LARGE1: variants seen among roughly 807,000 people sequenced by gnomAD.
The protein encoded by LARGE1 is xylosyl- and glucuronyltransferase LARGE1.
Under a neutral mutation model 87.6 loss-of-function variants are expected in LARGE1, and 43 were observed. That is an observed-to-expected ratio of 0.49 (90% CI 0.38 to 0.63). LARGE1 has a LOEUF of 0.63. Among genes scored for constraint, LARGE1 ranks in the 30% least tolerant of loss-of-function variants. The pLI, the probability that LARGE1 is intolerant of heterozygous loss-of-function variation, is 0.00. For missense variants in LARGE1, 802 were observed against 1,000.2 expected, an observed-to-expected ratio of 0.80 and a Z score of 2.67; for synonymous variants, 434 against 394.6, an observed-to-expected ratio of 1.10 and a Z score of -1.18.
intron 6 of LARGE1, among the ~76,000 whole-genome samples, chr22:33,447,851 G>A (rs1265139270): frequency 2.6e-5 from 4 of 152,062 alleles, no homozygotes; most frequent in African/African-American, 9.7e-5. Flanking sequence ...TGCACACTCT[G>A]GAGCTGGTGT....
At chr22:33,100,807 C>T in the LARGE1 span, among the ~76,000 whole-genome samples, 1 of 151,990 alleles carries the variant, frequency 6.6e-6, no homozygotes, top group East Asian at 1.9e-4. Flanking sequence ...CTAGAAAATA[C>T]CTGGTGCCCA....
At chr22:33,457,040 T>C (rs1174829344) in intron 6 of LARGE1, among the ~76,000 whole-genome samples, 1 of 152,100 alleles carries the variant, frequency 6.6e-6, no homozygotes, top group Non-Finnish European at 1.5e-5. Context: ...TAAGAGATGG[T>C]AGTCACTTGT....
intron 11 of LARGE1, among the ~76,000 whole-genome samples, chr22:33,180,877 C>G (rs899674093): frequency 6.6e-6 from 1 of 152,012 alleles, no homozygotes; most frequent in African/African-American, 2.4e-5. Flanking sequence ...ATAGGCAAAT[C>G]GAGAGACAAA....
At chr22:33,660,511 G>A (rs961367866) in intron 2 of LARGE1, among the ~76,000 whole-genome samples, 5 of 152,196 alleles carry the variant, frequency 3.3e-5, no homozygotes, top group South Asian at 2.1e-4. Context: ...AAGAGCCTCT[G>A]CCCCCAGTTA....
intron 11 of LARGE1, among the ~76,000 whole-genome samples, chr22:33,216,497 C>T (rs1033011816): frequency 1.3e-5 from 2 of 150,612 alleles, no homozygotes; most frequent in African/African-American, 2.5e-5. Context: ...GGCTTGGTGG[C>T]GGGTGCCTGT....
chr22:33,398,836 A>C lies in LARGE1; in HGVS notation c.893-14532T>G, dbSNP rs547115931. On this transcript the variant is annotated intron_variant, in intron 7 of 14. Coordinates refer to ENST00000397394, the MANE Select transcript of LARGE1 (RefSeq NM_133642.5). ...CAGGGGTTGAAGATATACCCTAAGG[A>C]ATGCCTGGTGCTACCAGAGCTGGAA... is the stretch of plus-strand genomic sequence containing the variant. 3.3e-5 allele frequency among the ~76,000 whole-genome samples: 5 copies of C among 152,278 alleles called. No homozygotes were observed. In the South Asian group the frequency reaches 1.0e-3, roughly 32 times the overall value.
intron 1 of LARGE1, among the ~76,000 whole-genome samples, chr22:33,782,458 T>C (rs2085453198): frequency 1.3e-5 from 2 of 152,190 alleles, no homozygotes; most frequent in Non-Finnish European, 2.9e-5. Context: ...AATTGTACAT[T>C]ATATGAATTG....
chr22:33,532,897 C>G (rs2076939377), intron 6 of LARGE1, among the ~76,000 whole-genome samples: 1 of 152,170 alleles, frequency 6.6e-6, no homozygotes, highest in Non-Finnish European at 1.5e-5. Flanking sequence ...CCACTGAGAG[C>G]ATGAGCTAGT....
chr22:33,651,123 C>G (rs868326539), intron 2 of LARGE1, among the ~76,000 whole-genome samples: 2 of 151,232 alleles, frequency 1.3e-5, no homozygotes, highest in South Asian at 2.1e-4. Flanking sequence ...TGGCTCACGC[C>G]TGTGATCCCA....
chr22:33,315,781 C>A (rs1936086977), intron 11 of LARGE1, among the ~76,000 whole-genome samples: 1 of 152,142 alleles, frequency 6.6e-6, no homozygotes, highest in South Asian at 2.1e-4. Flanking sequence ...AGGCGCACAC[C>A]ACCATGCCCA....
At chr22:33,698,395 G>A (rs1318278542) in intron 2 of LARGE1, among the ~76,000 whole-genome samples, 1 of 151,448 alleles carries the variant, frequency 6.6e-6, no homozygotes, top group African/African-American at 2.4e-5. Context: ...CTATCTGCAA[G>A]TTTCAAGCGA....
intron 11 of LARGE1, among the ~76,000 whole-genome samples, chr22:33,199,618 A>G (rs1434878486): frequency 6.6e-6 from 1 of 152,042 alleles, no homozygotes; most frequent in Non-Finnish European, 1.5e-5. Flanking sequence ...ATAGGGTATT[A>G]TTTCCTTAGC....
the LARGE1 span, among the ~76,000 whole-genome samples, chr22:33,155,255 T>C: frequency 6.6e-6 from 1 of 152,096 alleles, no homozygotes; most frequent in Non-Finnish European, 1.5e-5. Flanking sequence ...TTTTAACAGG[T>C]AGAGGTTGGA....
At chr22:33,168,065 C>G (rs1220050797) in intron 11 of LARGE1, among the ~76,000 whole-genome samples, 1 of 152,140 alleles carries the variant, frequency 6.6e-6, no homozygotes, top group East Asian at 1.9e-4. Flanking sequence ...TGAACTTTCT[C>G]CAGGAGTTCT....
At chr22:33,633,946 G>A (rs1213560123) in intron 3 of LARGE1, among the ~76,000 whole-genome samples, 2 of 152,192 alleles carry the variant, frequency 1.3e-5, no homozygotes, top group South Asian at 4.1e-4. Flanking sequence ...CCACAAGCTC[G>A]AAGCTAAGTG....
intron 2 of LARGE1, chr22:33,743,012 T>C (rs986838400): frequency 2.6e-5 from 4 of 152,086 alleles, no homozygotes; most frequent in African/African-American, 9.7e-5. Context: ...ATTCTCTTGG[T>C]GCGATCCTTG....
At chr22:33,424,181 C>T (rs1274215068) in intron 7 of LARGE1, among the ~76,000 whole-genome samples, 1 of 152,164 alleles carries the variant, frequency 6.6e-6, no homozygotes, top group Non-Finnish European at 1.5e-5. Context: ...GGGGGCAGGG[C>T]CCTGAGGTTG....
intron 2 of LARGE1, among the ~76,000 whole-genome samples, chr22:33,692,465 C>T (rs2082124436): frequency 6.6e-6 from 1 of 152,186 alleles, no homozygotes; most frequent in African/African-American, 2.4e-5. Context: ...CACCCGTCAT[C>T]ACAAATGGCT....
chr22:33,261,640 A>T (rs181959887), intron 11 of LARGE1, among the ~76,000 whole-genome samples: 25 of 152,246 alleles, frequency 1.6e-4, no homozygotes, highest in Non-Finnish European at 2.8e-4. Context: ...CCAGCACTAA[A>T]CCCTGTATTT....
Sources: allele counts gnomAD v4.1 joint callset (sites outside exome capture counted in the v4.1 genomes callset), GRCh38; gene constraint gnomAD v4.1.1; transcripts MANE v1.5; gene names NCBI Gene and HGNC (gene_info 2026-07-23, HGNC 2026-07-21).